PLEKHA7: variants seen among roughly 807,000 people sequenced by gnomAD.
PLEKHA7 encodes pleckstrin homology domain containing A7, also known as pleckstrin homology domain-containing family A member 7.
A neutral mutation model predicts 170.0 loss-of-function variants in PLEKHA7; 104 were observed. The ratio of observed to expected loss-of-function variants is 0.61; its 90% CI spans 0.52 to 0.72. PLEKHA7 has a LOEUF of 0.72. Ranked by LOEUF, PLEKHA7 falls within the 30% of genes least tolerant of loss-of-function variation. PLEKHA7 has a pLI of 0.00. For synonymous variants in PLEKHA7, 648 were observed against 660.8 expected (o/e 0.98, Z 0.30); for missense variants, 1,615 against 1,671.7 (o/e 0.97, Z 0.59).
intron 3 of PLEKHA7, among the ~76,000 whole-genome samples, chr11:16,952,196 G>C (rs1026058730): frequency 4.6e-5 from 7 of 152,194 alleles, no homozygotes; most frequent in African/African-American, 1.4e-4. Flanking sequence ...GTAGCTGTGT[G>C]AATAAGTCCC....
chr11:16,825,999 G>A (rs1477230369), intron 10 of PLEKHA7, 121 bp downstream of exon 10: 14 of 991,412 alleles, frequency 1.4e-5, no homozygotes, highest in Admixed American at 4.5e-5. Flanking sequence ...AGGGATTTAC[G>A]TAGGTAATGG....
At chr11:16,887,986 G>C (rs1293514910) in intron 3 of PLEKHA7, among the ~76,000 whole-genome samples, 1 of 149,126 alleles carries the variant, frequency 6.7e-6, no homozygotes, top group Non-Finnish European at 1.5e-5. Context: ...TGAGATGTGG[G>C]GAGCACCTCT....
At chr11:16,995,160 G>A (rs1864264290) in intron 3 of PLEKHA7, among the ~76,000 whole-genome samples, 1 of 152,160 alleles carries the variant, frequency 6.6e-6, no homozygotes, top group Non-Finnish European at 1.5e-5. Flanking sequence ...AGGCTCCAGA[G>A]TACACAACCT....
chr11:16,786,796 C>T (rs1849427574), intron 23 of PLEKHA7: 16 of 985,268 alleles, frequency 1.6e-5, no homozygotes, highest in South Asian at 1.4e-4. Context: ...TGGAAAAACA[C>T]GCCCTTCAAG....
At chr11:16,930,883 G>C (rs1041268676) in intron 3 of PLEKHA7, among the ~76,000 whole-genome samples, 1 of 152,154 alleles carries the variant, frequency 6.6e-6, no homozygotes, top group Middle Eastern at 3.2e-3. Context: ...GAGCTGGCCA[G>C]TGCCTTAGAA....
chr11:16,901,783 A>G (rs1337352279), intron 3 of PLEKHA7, among the ~76,000 whole-genome samples: 2 of 152,162 alleles, frequency 1.3e-5, no homozygotes, highest in Non-Finnish European at 2.9e-5. Flanking sequence ...AGGTGGGAGG[A>G]TGGTTTGACC....
intron 3 of PLEKHA7, among the ~76,000 whole-genome samples, chr11:16,924,681 C>A (rs1859366078): frequency 6.6e-6 from 1 of 151,992 alleles, no homozygotes; most frequent in African/African-American, 2.4e-5. Context: ...TGGGGGAATG[C>A]CCTTATCCTT....
At chr11:16,787,418 A>C in intron 23 of PLEKHA7, 2 of 155,478 alleles carry the variant, frequency 1.3e-5, no homozygotes, top group Non-Finnish European at 2.8e-5. Flanking sequence ...ATGACTCCAA[A>C]TCAATGTAAT....
chr11:16,922,940 C>T (rs559423846), intron 3 of PLEKHA7, among the ~76,000 whole-genome samples: 23 of 152,316 alleles, frequency 1.5e-4, no homozygotes, highest in Admixed American at 3.9e-4. Context: ...CCAGTGCAGA[C>T]ATTAGGAGCA....
intron 3 of PLEKHA7, among the ~76,000 whole-genome samples, chr11:16,956,799 A>T (rs1222982847): frequency 6.6e-6 from 1 of 152,126 alleles, no homozygotes; most frequent in Non-Finnish European, 1.5e-5. Flanking sequence ...GCAGCATATC[A>T]CACTTACCTG....
At position 16,817,299 on chromosome 11, in the gene PLEKHA7, G is replaced by A. The variant is rs1564954292; in HGVS notation, c.1367C>T (p.Pro456Leu). 1 of 1,610,996 alleles carries A rather than the reference G, an allele frequency of 6.2e-7. No individual in the cohort carries two copies. Among genetic ancestry groups the A allele is most frequent in the Non-Finnish European group, 8.5e-7 (1 of 1,179,750 alleles). ...CAGGGATTGGCCAGGACCCTGGCGA[G>A]GAAGCGTCTGGTCCAAGGGAAGACT... ...SRSLPLDQTL[P>L]RQGPGQSLSF... The change falls in exon 11 of 27, where the codon CCT becomes CTT. Residue 456 changes from proline to leucine, a missense_variant. Coordinates refer to ENST00000531066, the MANE Select transcript of PLEKHA7 (RefSeq NM_001329630.2). The surrounding 1 kb of genome is among the most constrained non-coding windows in gnomAD (Gnocchi z 4.4).
At chr11:16,907,613 C>T (rs1207751429) in intron 3 of PLEKHA7, among the ~76,000 whole-genome samples, 11 of 124,258 alleles carry the variant, frequency 8.9e-5, no homozygotes, top group African/African-American at 1.7e-4. Flanking sequence ...AGGTGAGGGG[C>T]GCCTCTGCCT....
chr11:16,963,341 T>C (rs1251191805), intron 3 of PLEKHA7, among the ~76,000 whole-genome samples: 1 of 152,142 alleles, frequency 6.6e-6, no homozygotes, highest in Non-Finnish European at 1.5e-5. Context: ...TTTTTTTTTC[T>C]TTTTTGAGGG....
chr11:16,948,211 A>T (rs76983168), intron 3 of PLEKHA7, among the ~76,000 whole-genome samples: 8,977 of 152,262 alleles, frequency 0.059, 858 homozygotes, highest in African/African-American at 0.2. Context: ...TGAAGGTTAC[A>T]TAATTTTAGT....
chr11:16,844,809 A>C (rs955537374), intron 8 of PLEKHA7, among the ~76,000 whole-genome samples: 1 of 152,196 alleles, frequency 6.6e-6, no homozygotes, highest in African/African-American at 2.4e-5. Flanking sequence ...GAGAAACCTC[A>C]GTGGAAAATA....
intron 3 of PLEKHA7, among the ~76,000 whole-genome samples, chr11:16,888,914 A>AG (rs200079926): frequency 3.8e-4 from 54 of 140,868 alleles, no homozygotes; most frequent in African/African-American, 1.3e-3. Context: ...ATAAAAAAAA[A>AG]AAAGAAACCC....
intron 3 of PLEKHA7, among the ~76,000 whole-genome samples, chr11:16,943,258 C>CT (rs367651146): frequency 3.2e-4 from 48 of 147,794 alleles, no homozygotes; most frequent in Admixed American, 4.1e-4. Flanking sequence ...CAATACTTTA[C>CT]TTTTTTTTTT....
chr11:16,942,642 G>A (rs549971834), intron 3 of PLEKHA7, among the ~76,000 whole-genome samples: 1 of 152,350 alleles, frequency 6.6e-6, no homozygotes, highest in Non-Finnish European at 1.5e-5. Flanking sequence ...GAAGGCCAAA[G>A]ATGATAAGGA....
At chr11:16,902,543 T>C (rs545455127) in intron 3 of PLEKHA7, among the ~76,000 whole-genome samples, 4 of 152,358 alleles carry the variant, frequency 2.6e-5, no homozygotes, top group African/African-American at 9.6e-5. Flanking sequence ...TCCTAGGGTG[T>C]GTAAAGTAGT....
Sources: allele counts gnomAD v4.1 joint callset (sites outside exome capture counted in the v4.1 genomes callset), GRCh38; gene constraint gnomAD v4.1.1; non-coding constraint Gnocchi (gnomAD v3.1); transcripts MANE v1.5; gene names NCBI Gene and HGNC (gene_info 2026-07-23, HGNC 2026-07-21).